MAN1C1: variants seen among roughly 807,000 people sequenced by gnomAD.
MAN1C1 encodes mannosyl-oligosaccharide 1,2-alpha-mannosidase IC.
MAN1C1 carries 49 observed loss-of-function variants against 71.5 expected under a neutral mutation model. That is an observed-to-expected ratio of 0.69 (90% CI 0.54 to 0.87). MAN1C1 has a LOEUF of 0.87. Ranked by LOEUF, MAN1C1 falls within the 40% of genes least tolerant of loss-of-function variation. MAN1C1 has a pLI of 0.00. For missense variants in MAN1C1, 743 were observed against 835.0 expected (o/e 0.89, Z 1.36); for synonymous variants, 352 against 343.7 (o/e 1.02, Z -0.27).
chr1:25,665,921 G>A (rs1285638971), intron 1 of MAN1C1, among the ~76,000 whole-genome samples: 1 of 133,236 alleles, frequency 7.5e-6, no homozygotes, highest in East Asian at 2.2e-4. Context: ...GTCATCTACT[G>A]GGTTTCAGAT....
At chr1:25,645,914 T>G (rs972278132) in intron 1 of MAN1C1, 4 of 152,312 alleles carry the variant, frequency 2.6e-5, no homozygotes, top group Non-Finnish European at 5.9e-5. Flanking sequence ...AGTCCCTGTC[T>G]CTGGCAACAA....
intron 1 of MAN1C1, chr1:25,654,371 G>C (rs772405044): frequency 6.6e-6 from 1 of 152,192 alleles, no homozygotes; most frequent in African/African-American, 2.4e-5. Flanking sequence ...CAAAGGGTAA[G>C]GCTTTACAAA....
At chr1:25,700,867 G>A (rs941293289) in intron 2 of MAN1C1, among the ~76,000 whole-genome samples, 1 of 152,170 alleles carries the variant, frequency 6.6e-6, no homozygotes, top group African/African-American at 2.4e-5. Context: ...TGGGGTTGGG[G>A]TGGGAGGCGG....
chr1:25,670,500 G>T (rs1186063769), intron 1 of MAN1C1, among the ~76,000 whole-genome samples: 1 of 152,202 alleles, frequency 6.6e-6, no homozygotes, highest in Non-Finnish European at 1.5e-5. Flanking sequence ...AGCCTTCAGG[G>T]GGTGGGAATT....
chr1:25,780,157 T>C (rs535346478), intron 9 of MAN1C1, among the ~76,000 whole-genome samples: 21 of 152,314 alleles, frequency 1.4e-4, no homozygotes, highest in Admixed American at 9.1e-4. Context: ...GCAATTACCT[T>C]ACTAAAGAAA....
chr1:25,719,394 C>CA (rs1557778335), intron 2 of MAN1C1, among the ~76,000 whole-genome samples: 120 of 142,944 alleles, frequency 8.4e-4, no homozygotes, highest in African/African-American at 3.1e-3. Context: ...TATTTTTTAT[C>CA]TTTTATTTAT....
chr1:25,728,897 T>G (rs571744374), intron 2 of MAN1C1, among the ~76,000 whole-genome samples: 2 of 152,310 alleles, frequency 1.3e-5, no homozygotes, highest in African/African-American at 4.8e-5. Flanking sequence ...TAGTGAGAGT[T>G]TGGTCACCTA....
intron 8 of MAN1C1, among the ~76,000 whole-genome samples, chr1:25,772,555 C>T (rs960993642): frequency 3.3e-5 from 5 of 152,184 alleles, no homozygotes; most frequent in Non-Finnish European, 5.9e-5. Context: ...CCTCAGTTTC[C>T]CCATAAAGCA....
rs2045119809 is a variant in MAN1C1 at position 25,617,557 on chromosome 1, G to C, written c.-241G>C. The C allele has an allele frequency of 3.4e-6, 1 of 298,446 alleles. No homozygotes were observed. The highest frequency in any genetic ancestry group is 2.3e-5 in the African/African-American group (1 of 43,344). 18.5% of individuals were successfully genotyped at this position (298,446 alleles called of 1,614,324 possible). On this transcript the variant is annotated 5_prime_UTR_variant, in exon 1 of 12. Transcript: ENST00000374332. The surrounding 1 kb of genome is among the most constrained non-coding windows in gnomAD (Gnocchi z 5.1). ...TCGCTGCGGGCCCGGGCCCCAAGCC[G>C]TGCCGCTCCGCTCGCCCGGGCCCCG...
chr1:25,783,707 A>G lies in MAN1C1; in HGVS notation c.1811A>G (p.Glu604Gly), dbSNP rs376256979. ...TCTGAAGATGACTTGCTCTCCCTGGAAGACTGGGTGTTCAACACCGAGGCC... is the reference window on the plus strand; with the variant it reads ...TCTGAAGATGACTTGCTCTCCCTGGGAGACTGGGTGTTCAACACCGAGGCC... ...LFSEDDLLSL[E>G]DWVFNTEAHP... Residue 604 changes from glutamate (E) to glycine (G), a missense_variant, in exon 12 of 12, where the codon GAA becomes GGA. Transcript: ENST00000374332. The G allele has an allele frequency of 1.6e-5, 26 of 1,613,460 alleles. No homozygotes were observed. The highest frequency in any genetic ancestry group is 2.0e-5 in the Non-Finnish European group (24 of 1,180,004).
intron 2 of MAN1C1, among the ~76,000 whole-genome samples, chr1:25,733,623 T>C (rs1028940918): frequency 1.3e-4 from 20 of 152,096 alleles, no homozygotes; most frequent in African/African-American, 4.3e-4. Flanking sequence ...CTGTGTGTCT[T>C]TCCCCTCATT....
intron 5 of MAN1C1, among the ~76,000 whole-genome samples, chr1:25,755,839 G>A (rs807261): frequency 0.64 from 96,706 of 152,112 alleles, 31,852 homozygotes; most frequent in Middle Eastern, 0.83. Flanking sequence ...CACAGGCTAT[G>A]GGCCCACTTG....
chr1:25,766,992 G>A (rs1351238533), intron 7 of MAN1C1, among the ~76,000 whole-genome samples: 2 of 151,982 alleles, frequency 1.3e-5, no homozygotes, highest in Admixed American at 6.6e-5. Flanking sequence ...TGGGGCTCAC[G>A]GACACCAGCT....
intron 1 of MAN1C1, among the ~76,000 whole-genome samples, chr1:25,620,729 T>G (rs1273325387): frequency 1.3e-5 from 2 of 152,136 alleles, no homozygotes; most frequent in African/African-American, 2.4e-5. Flanking sequence ...TATAAGATTT[T>G]AAAGTGAAAG....
At chr1:25,690,917 C>T (rs1410384600) in intron 2 of MAN1C1, among the ~76,000 whole-genome samples, 8 of 152,140 alleles carry the variant, frequency 5.3e-5, no homozygotes, top group African/African-American at 1.7e-4. Flanking sequence ...AGGAACCAGC[C>T]GTAAAGTGGC....
intron 7 of MAN1C1, among the ~76,000 whole-genome samples, chr1:25,768,713 A>T (rs1283492027): frequency 9.0e-6 from 1 of 110,722 alleles, no homozygotes; most frequent in East Asian, 3.1e-4. Context: ...CACACTACAT[A>T]CACTCCCCCT....
In MAN1C1 at chr1:25,618,323, G is replaced by A; in HGVS notation, c.526G>A (p.Glu176Lys). Reference protein sequence around the residue: ...EPQSQVRAQREKIKEMMQFAW... With the variant: ...EPQSQVRAQRKKIKEMMQFAW... ...CCAGAGCCAAGTGCGAGCCCAGCGG[G>A]AGAAAATCAAGGAGGTATGGACTCA... Residue 176 changes from glutamate to lysine, a missense_variant, in exon 1 of 12, where the codon GAG becomes AAG. By Grantham distance (56) the Glu-to-Lys change is moderately conservative. Coordinates refer to ENST00000374332, the MANE Select transcript of MAN1C1 (RefSeq NM_020379.4). The A allele has an allele frequency of 1.2e-6, 2 of 1,601,064 alleles. No homozygotes were observed. The highest frequency in any genetic ancestry group is 1.7e-5 in the Admixed American group (1 of 57,744).
rs552978425 is a variant in MAN1C1 at position 25,686,354 on chromosome 1, C to T, written c.541-86C>T. 3.7e-5 allele frequency: 40 copies of T among 1,088,292 alleles called. No homozygotes were observed. The South Asian group carries it at 4.2e-4, about 11-fold the overall frequency. 67.4% of individuals were successfully genotyped at this position (1,088,292 alleles called of 1,614,324 possible). ...AAGGTTATCTTTTAGTTTAAAAACACGTTGCAAGGGGCAAAGCCAGGCGGC... is the reference window on the plus strand; with the variant it reads ...AAGGTTATCTTTTAGTTTAAAAACATGTTGCAAGGGGCAAAGCCAGGCGGC... On this transcript the variant is annotated intron_variant, in intron 1 of 11. Transcript: ENST00000374332.
intron 8 of MAN1C1, 47 bp downstream of exon 8, chr1:25,771,819 C>CG: frequency 6.7e-7 from 1 of 1,495,306 alleles, no homozygotes; most frequent in Non-Finnish European, 9.3e-7. Context: ...CACCAGCCCC[C>CG]GGCTCTCTCA....
Sources: gnomAD v4.1 joint callset for allele counts (sites outside exome capture counted in the v4.1 genomes callset) on GRCh38, gnomAD v4.1.1 for gene constraint, Gnocchi (gnomAD v3.1) non-coding constraint, MANE v1.5 for transcripts, NCBI Gene and HGNC (gene_info 2026-07-23, HGNC 2026-07-21) for gene names.